Variants in MBP observed in about 807,000 individuals in gnomAD.
MBP encodes myelin basic protein, also known as Golli-MBP.
MBP carries 16 observed loss-of-function variants against 35.8 expected under a neutral mutation model. That is an observed-to-expected ratio of 0.45 (90% CI 0.30 to 0.68). The LOEUF is 0.68. Among genes scored for constraint, MBP ranks in the 30% least tolerant of loss-of-function variants. The probability of loss-of-function intolerance (pLI) is 0.08; values close to 1 mark genes in which losing one functional copy is unlikely to be tolerated. For synonymous variants in MBP, 143 were observed against 159.6 expected (o/e 0.90, Z 0.78); for missense variants, 380 against 404.7 (o/e 0.94, Z 0.52).
chr18:77,063,231 GC>G (rs1209673681), intron 3 of MBP, among the ~76,000 whole-genome samples: 1 of 152,156 alleles, frequency 6.6e-6, no homozygotes, highest in Non-Finnish European at 1.5e-5. Context: ...AGCACTCTGC[GC>G]CTTTAGAGTA....
At chr18:77,132,398 G>T (rs2145290229) in intron 1 of MBP, among the ~76,000 whole-genome samples, 182 bp downstream of exon 1, 1 of 152,236 alleles carries the variant, frequency 6.6e-6, no homozygotes, top group East Asian at 1.9e-4. Flanking sequence ...CTCCCTGCGC[G>T]TCCCCAGCCA....
At chr18:77,004,889 TTG>T (rs1192284693) in intron 4 of MBP, 1 of 152,240 alleles carries the variant, frequency 6.6e-6, no homozygotes, top group Non-Finnish European at 1.5e-5. Context: ...GCATATCTGG[TTG>T]TGTTTTCTCT....
intron 3 of MBP, among the ~76,000 whole-genome samples, chr18:77,062,264 C>A (rs996842350): frequency 6.6e-6 from 1 of 152,156 alleles, no homozygotes; most frequent in African/African-American, 2.4e-5. Flanking sequence ...TCAACTCTGG[C>A]GGGAGAAGAG....
intron 3 of MBP, among the ~76,000 whole-genome samples, chr18:77,025,178 C>A (rs931257738): frequency 2.6e-5 from 4 of 152,196 alleles, no homozygotes; most frequent in African/African-American, 7.2e-5. Flanking sequence ...CGCAGGCGAT[C>A]CCCCACCTCT....
intron 3 of MBP, among the ~76,000 whole-genome samples, chr18:77,027,798 C>T (rs140889252): frequency 0.017 from 2,630 of 152,234 alleles, 32 homozygotes; most frequent in Non-Finnish European, 0.025. Flanking sequence ...AGTGATCCTC[C>T]CACCTCAGCC....
chr18:76,989,925 T>C lies in MBP; in HGVS notation c.681+31A>G, dbSNP rs1230549333. ...CCAGCACCCCTCCTCCCCCTCACAG[T>C]TGCTACCTCTTCCCATCGATCGTCA... is the stretch of plus-strand genomic sequence containing the variant. On this transcript the variant is annotated intron_variant, in intron 5 of 8. Coordinates refer to ENST00000355994, the MANE Select transcript of MBP (RefSeq NM_001025101.2). This position sits in a 1 kb window ranked among gnomAD's most constrained non-coding sequence, Gnocchi z 4.0. 1 of 1,572,038 alleles carries C rather than the reference T, an allele frequency of 6.4e-7. No individual in the cohort carries two copies. The highest frequency in any genetic ancestry group is 1.4e-5 in the African/African-American group (1 of 73,824).
chr18:77,009,960 C>A, intron 4 of MBP: 2 of 1,477,986 alleles, frequency 1.4e-6, no homozygotes, highest in East Asian at 2.4e-5. Context: ...TGCGTGAGTC[C>A]GGGTGGGCGC....
At chr18:77,025,280 G>A (rs1972163070) in intron 3 of MBP, among the ~76,000 whole-genome samples, 1 of 152,072 alleles carries the variant, frequency 6.6e-6, no homozygotes. Context: ...GCAGATAATC[G>A]ATGGCTGACG....
In MBP at chr18:76,979,275, A is replaced by C. The variant is rs745629053; in HGVS notation, c.*1152T>G. On this transcript the variant is annotated 3_prime_UTR_variant, in exon 9 of 9. Coordinates refer to ENST00000355994, the MANE Select transcript of MBP (RefSeq NM_001025101.2). ...GAGATGCCAGCGGGTGTTAAGAAGG[A>C]TATGGTCAGAAGAGCTCTTTGTCTC... The C allele has an allele frequency of 1.3e-5, 2 of 151,634 alleles. No homozygotes were observed. The highest frequency in any genetic ancestry group is 1.5e-5 in the Non-Finnish European group (1 of 68,010). 9.4% of individuals were successfully genotyped at this position (151,634 alleles called of 1,614,324 possible).
chr18:77,015,044 T>C (rs1233838734), intron 4 of MBP: 3 of 980,900 alleles, frequency 3.1e-6, no homozygotes, highest in East Asian at 2.3e-4. Flanking sequence ...TCTTTGAAAA[T>C]ATTGAAGAGT....
At chr18:77,081,719 A>G (rs1402329940) in intron 2 of MBP, among the ~76,000 whole-genome samples, 1 of 151,178 alleles carries the variant, frequency 6.6e-6, no homozygotes, top group Non-Finnish European at 1.5e-5. Context: ...AGATGTCCAC[A>G]CAGAGCTTAT....
At chr18:77,017,989 T>G (rs1338681455) in intron 3 of MBP, among the ~76,000 whole-genome samples, 1 of 152,244 alleles carries the variant, frequency 6.6e-6, no homozygotes, top group African/African-American at 2.4e-5. Context: ...GCTTTCAAGT[T>G]AGAGTGTTAG....
At chr18:77,014,248 C>T (rs1234310425) in intron 4 of MBP, 21 of 985,256 alleles carry the variant, frequency 2.1e-5, no homozygotes, top group East Asian at 1.1e-4. Context: ...TTCCCGGGCT[C>T]GGGGGCGGCC....
chr18:77,044,064 TCTC>T lies in MBP; in HGVS notation c.139+22231_139+22233del, dbSNP rs1414924858. ...TCCCTGGAGGCCGTGCAAATCCTGT[TCTC>T]CTTCCAGCGGTGAGTTCCTCCTGCT... On this transcript the variant is annotated intron_variant, in intron 3 of 8. Coordinates refer to ENST00000355994, the MANE Select transcript of MBP (RefSeq NM_001025101.2). This position sits in a 1 kb window ranked among gnomAD's most constrained non-coding sequence, Gnocchi z 4.4. 1.3e-5 allele frequency among the ~76,000 whole-genome samples: 2 copies of T among 151,828 alleles called. No homozygotes were observed. The highest frequency in any genetic ancestry group is 2.9e-5 in the Non-Finnish European group (2 of 67,934).
chr18:77,083,077 G>T (rs147413399), intron 2 of MBP, among the ~76,000 whole-genome samples: 1 of 151,818 alleles, frequency 6.6e-6, no homozygotes, highest in African/African-American at 2.4e-5. Context: ...GGATTTGAAC[G>T]ATTCTCATGC....
At position 77,131,079 on chromosome 18, in the gene MBP, GCA is replaced by G. The variant is rs1201771464; in HGVS notation, c.-26+1499_-26+1500del. Among the ~76,000 whole-genome samples, 102 of 39,080 alleles carry G rather than the reference GCA, an allele frequency of 2.6e-3. 1 individual carries two copies. The highest frequency in any genetic ancestry group is 0.05 in the Middle Eastern group (2 of 40). 25.6% of individuals were successfully genotyped at this position (39,080 alleles called of 152,430 possible). On this transcript the variant is annotated intron_variant, in intron 1 of 8. Transcript: ENST00000355994. This position sits in a 1 kb window ranked among gnomAD's most constrained non-coding sequence, Gnocchi z 5.5. Reference sequence around the variant, plus strand: ...AAACAAAACACACACACGCGCGCACGCACGCGCACACACACACACACACACAC... The same window carrying G: ...AAACAAAACACACACACGCGCGCACGCGCGCACACACACACACACACACAC...
chr18:77,001,902 C>A (rs1222620197), intron 4 of MBP, among the ~76,000 whole-genome samples: 1 of 152,282 alleles, frequency 6.6e-6, no homozygotes, highest in African/African-American at 2.4e-5. Context: ...CATCTACACC[C>A]TCCCCTCATG....
At position 76,988,391 on chromosome 18, in the gene MBP, A is replaced by T; in HGVS notation, c.750+104T>A. 1 of 1,613,912 alleles carries T rather than the reference A, an allele frequency of 6.2e-7. No individual in the cohort carries two copies. Among genetic ancestry groups the T allele is most frequent in the Non-Finnish European group, 8.5e-7 (1 of 1,179,846 alleles). The stretch of plus-strand genomic sequence containing the variant: ...GGCAGAGAGGTCTCGAGAGGAGAGA[A>T]AAGGAGGCCAGGAAGCAACCGAAAC... On this transcript the variant is annotated intron_variant, in intron 7 of 8. Coordinates refer to ENST00000355994, the MANE Select transcript of MBP (RefSeq NM_001025101.2). This position sits in a 1 kb window ranked among gnomAD's most constrained non-coding sequence, Gnocchi z 5.2.
chr18:77,050,930 T>C (rs1476491366), intron 3 of MBP, among the ~76,000 whole-genome samples: 1 of 152,178 alleles, frequency 6.6e-6, no homozygotes, highest in Non-Finnish European at 1.5e-5. Context: ...GGGCAAATTA[T>C]TATGGTGTCC....
Sources: gnomAD v4.1 joint callset for allele counts (sites outside exome capture counted in the v4.1 genomes callset) on GRCh38, gnomAD v4.1.1 for gene constraint, Gnocchi (gnomAD v3.1) non-coding constraint, MANE v1.5 for transcripts, NCBI Gene and HGNC (gene_info 2026-07-23, HGNC 2026-07-21) for gene names.